Variants in RASAL2 observed in about 807,000 individuals in gnomAD.
RASAL2 encodes RAS protein activator like 2.
A neutral mutation model predicts 128.9 loss-of-function variants in RASAL2; 58 were observed. That is an observed-to-expected ratio of 0.45 (90% CI 0.36 to 0.56). RASAL2 has a LOEUF of 0.56. RASAL2 is among the 20% of genes least tolerant of loss of function. RASAL2 has a pLI of 0.00. For synonymous variants in RASAL2, 561 were observed against 580.8 expected, an observed-to-expected ratio of 0.97 and a Z score of 0.49; for missense variants, 1,360 against 1,601.6, an observed-to-expected ratio of 0.85 and a Z score of 2.57.
intron 1 of RASAL2, among the ~76,000 whole-genome samples, chr1:178,121,358 A>G (rs545035005): frequency 1.1e-4 from 17 of 152,332 alleles, no homozygotes; most frequent in Admixed American, 9.2e-4. Context: ...GAAATACACA[A>G]GGTTATAGAT....
intron 1 of RASAL2, among the ~76,000 whole-genome samples, chr1:178,214,127 G>A (rs1663346367): frequency 6.6e-6 from 1 of 151,940 alleles, no homozygotes; most frequent in Admixed American, 6.6e-5. Context: ...AAAACTAACT[G>A]GGCGTGGTAA....
intron 1 of RASAL2, among the ~76,000 whole-genome samples, chr1:178,139,748 G>T (rs1660462206): frequency 6.6e-6 from 1 of 151,690 alleles, no homozygotes; most frequent in Admixed American, 6.6e-5. Flanking sequence ...TTTTTCTAGG[G>T]TGATTTCCTT....
chr1:178,232,516 A>G (rs116124532), intron 1 of RASAL2, among the ~76,000 whole-genome samples: 8 of 152,182 alleles, frequency 5.3e-5, no homozygotes, highest in Non-Finnish European at 1.0e-4. Flanking sequence ...CCTTTGCTGT[A>G]GTTTATAGCA....
intron 5 of RASAL2, among the ~76,000 whole-genome samples, chr1:178,436,917 G>A (rs775507770): frequency 3.4e-4 from 52 of 152,048 alleles, no homozygotes; most frequent in Non-Finnish European, 5.2e-4. Context: ...AGTTGGCCTC[G>A]TCTCTTTTCT....
Position 178,094,531 on chromosome 1 carries a change from G to T in RASAL2, c.39G>T (p.Ala13=). The T allele has an allele frequency of 6.3e-7, 1 of 1,577,046 alleles. No individual in the cohort carries two copies. Among genetic ancestry groups the T allele is most frequent in the African/African-American group, 1.4e-5 (1 of 74,026 alleles). The change falls in exon 1 of 18, where the codon GCG becomes GCT. Residue 13 remains alanine, a synonymous_variant. Coordinates refer to ENST00000367649, the MANE Select transcript of RASAL2 (RefSeq NM_170692.4). ...CGTCGTCCGGAGGAGCCGCGGAGGC[G>T]CTGTCCTGGCCGGAGATGTTCCCGG... The part of the protein sequence containing the change: ...LSPSSGGAAE[A]LSWPEMFPAL...
intron 3 of RASAL2, among the ~76,000 whole-genome samples, chr1:178,313,260 A>G (rs1668347277): frequency 1.3e-5 from 2 of 152,206 alleles, no homozygotes; most frequent in Non-Finnish European, 2.9e-5. Flanking sequence ...AAGGATTCAC[A>G]TTCTCATCTT....
At chr1:178,457,001 T>G in intron 13 of RASAL2, 102 bp downstream of exon 13, 1 of 1,197,776 alleles carries the variant, frequency 8.3e-7, no homozygotes, top group Non-Finnish European at 1.2e-6. Context: ...TTTAAAATCA[T>G]GAGCAACTGA....
intron 1 of RASAL2, among the ~76,000 whole-genome samples, chr1:178,171,010 G>A (rs552326987): frequency 8.6e-5 from 13 of 151,916 alleles, no homozygotes; most frequent in Admixed American, 1.3e-4. Context: ...TCTTAATTCA[G>A]TGTAAGTTTG....
chr1:178,256,290 G>A (rs1328442375), intron 1 of RASAL2, among the ~76,000 whole-genome samples: 2 of 152,132 alleles, frequency 1.3e-5, no homozygotes, highest in East Asian at 1.9e-4. Context: ...AAGAGCATTC[G>A]ATGAGATTCA....
intron 1 of RASAL2, among the ~76,000 whole-genome samples, chr1:178,256,614 AC>A (rs1665354814): frequency 6.6e-6 from 1 of 152,226 alleles, no homozygotes; most frequent in Non-Finnish European, 1.5e-5. Context: ...ACTAAAATAT[AC>A]AGTAAATATA....
chr1:178,108,825 G>A (rs1659192571), intron 1 of RASAL2, among the ~76,000 whole-genome samples: 1 of 152,148 alleles, frequency 6.6e-6, no homozygotes, highest in Admixed American at 6.6e-5. Context: ...ATAATTTACA[G>A]AATATTTTCA....
At chr1:178,371,396 A>G (rs567420495) in intron 3 of RASAL2, among the ~76,000 whole-genome samples, 1 of 148,614 alleles carries the variant, frequency 6.7e-6, no homozygotes, top group Admixed American at 6.7e-5. Flanking sequence ...TTTCCTCGCA[A>G]AGAAAGACAG....
chr1:178,226,280 T>G (rs1558125246), intron 1 of RASAL2, among the ~76,000 whole-genome samples: 2 of 152,100 alleles, frequency 1.3e-5, no homozygotes, highest in African/African-American at 4.8e-5. Context: ...CATTGTTTTT[T>G]GGGGGGGCAT....
intron 1 of RASAL2, among the ~76,000 whole-genome samples, chr1:178,139,032 TAATA>T (rs1660437857): frequency 6.6e-6 from 1 of 152,084 alleles, no homozygotes; most frequent in Non-Finnish European, 1.5e-5. Context: ...TATAGATATA[TAATA>T]AATACAAAGT....
chr1:178,243,865 G>A (rs1553264206), intron 1 of RASAL2, among the ~76,000 whole-genome samples: 9 of 144,530 alleles, frequency 6.2e-5, no homozygotes, highest in Non-Finnish European at 1.2e-4. Flanking sequence ...GGAGAAACGA[G>A]TCTACACCAT....
intron 1 of RASAL2, among the ~76,000 whole-genome samples, chr1:178,169,168 T>A (rs1187062878): frequency 5.9e-5 from 9 of 152,292 alleles, no homozygotes; most frequent in African/African-American, 1.9e-4. Flanking sequence ...TATGACTACC[T>A]ACTTACCTAG....
intron 1 of RASAL2, among the ~76,000 whole-genome samples, chr1:178,200,261 G>T (rs182470463): frequency 6.6e-6 from 1 of 152,204 alleles, no homozygotes; most frequent in East Asian, 1.9e-4. Flanking sequence ...TGCTTAATAC[G>T]AATAGACCCC....
At chr1:178,380,278 A>G (rs1672210658) in intron 3 of RASAL2, among the ~76,000 whole-genome samples, 1 of 152,160 alleles carries the variant, frequency 6.6e-6, no homozygotes, top group African/African-American at 2.4e-5. Context: ...ATTTATCATA[A>G]TCTCAATTTT....
intron 3 of RASAL2, among the ~76,000 whole-genome samples, chr1:178,379,884 G>A (rs2102556465): frequency 6.6e-6 from 1 of 152,312 alleles, no homozygotes; most frequent in Admixed American, 6.5e-5. Flanking sequence ...ATGTTTAAGT[G>A]TGCTTCTCAA....
Sources: allele counts gnomAD v4.1 joint callset (sites outside exome capture counted in the v4.1 genomes callset), GRCh38; gene constraint gnomAD v4.1.1; transcripts MANE v1.5; gene names NCBI Gene and HGNC (gene_info 2026-07-23, HGNC 2026-07-21).